INPP5A: variants seen among roughly 807,000 people sequenced by gnomAD.
The protein encoded by INPP5A is 43 kDa inositol polyphosphate 5-phophatase.
Under a neutral mutation model 65.2 loss-of-function variants are expected in INPP5A, and 14 were observed. The observed-to-expected ratio is 0.21, with a 90% confidence interval of 0.14 to 0.34. The LOEUF is 0.34. INPP5A is among the 10% of genes least tolerant of loss of function. INPP5A has a pLI of 1.00. For synonymous variants in INPP5A, 207 were observed against 208.3 expected (o/e 0.99, Z 0.05); for missense variants, 431 against 545.6 (o/e 0.79, Z 2.09).
rs545304321 is a variant in INPP5A at position 132,640,352 on chromosome 10, C to T, written c.118-5516C>T. Among the ~76,000 whole-genome samples, 21 of 152,362 alleles carry T rather than the reference C, an allele frequency of 1.4e-4. 1 individual carries two copies. In the South Asian group the frequency reaches 4.1e-3, roughly 30 times the overall value. On this transcript the variant is annotated intron_variant, in intron 2 of 15. Coordinates refer to ENST00000368594, the MANE Select transcript of INPP5A (RefSeq NM_005539.5). ...AGACTCAAGCGGCTTCATACACAGA[C>T]TTAGGGTTCCCTCTTCCTAGCTCTT...
In INPP5A at chr10:132,675,585, C is replaced by T. The variant is rs562937904; in HGVS notation, c.307-14807C>T. ...AGCGTTCCAGGGGCCTTGCCGTGCC[C>T]GGGAGAGTGAGGGTAACGGACATTC... On this transcript the variant is annotated intron_variant, in intron 4 of 15. Coordinates refer to ENST00000368594, the MANE Select transcript of INPP5A (RefSeq NM_005539.5). The surrounding 1 kb of genome is among the most constrained non-coding windows in gnomAD (Gnocchi z 4.2). Among the ~76,000 whole-genome samples the T allele has an allele frequency of 7.2e-5, 11 of 151,930 alleles. No homozygotes were observed. The highest frequency in any genetic ancestry group is 6.8e-3 in the Middle Eastern group (2 of 294).
At chr10:132,713,045 GGTGTGTGT>G (rs1314868873) in intron 8 of INPP5A, among the ~76,000 whole-genome samples, 9 of 151,404 alleles carry the variant, frequency 5.9e-5, no homozygotes, top group African/African-American at 1.9e-4. Flanking sequence ...CGTGTGTGTG[GGTGTGTGT>G]GCATATGTGG....
chr10:132,770,009 C>T (rs530738234), intron 12 of INPP5A, among the ~76,000 whole-genome samples: 60 of 152,302 alleles, frequency 3.9e-4, no homozygotes, highest in African/African-American at 1.4e-3. Flanking sequence ...GGTGGCCGCT[C>T]CACTGGTGTG....
rs772441624 is a variant in INPP5A at position 132,602,319 on chromosome 10, G to A, written c.76-5596G>A. On this transcript the variant is annotated intron_variant, in intron 1 of 15. Transcript: ENST00000368594. ...TGCTGAATTGCTGAATTTTTGTGACGGAGTCTCGTTCTGTCACCTAGGCTG... is the reference window on the plus strand; with the variant it reads ...TGCTGAATTGCTGAATTTTTGTGACAGAGTCTCGTTCTGTCACCTAGGCTG... Among the ~76,000 whole-genome samples the A allele has an allele frequency of 7.2e-5, 11 of 152,126 alleles. 1 individual carries two copies. In the South Asian group the frequency reaches 8.3e-4, roughly 12 times the overall value.
chr10:132,559,011 G>A (rs1205370286), intron 1 of INPP5A, among the ~76,000 whole-genome samples: 1 of 152,130 alleles, frequency 6.6e-6, no homozygotes, highest in East Asian at 1.9e-4. Flanking sequence ...CGGCCTCCTC[G>A]GGACAGTCCA....
chr10:132,591,434 A>G lies in INPP5A; in HGVS notation c.76-16481A>G, dbSNP rs1423561635. 3.9e-5 allele frequency among the ~76,000 whole-genome samples: 6 copies of G among 152,314 alleles called. No individual in the cohort carries two copies. In the East Asian group the frequency reaches 1.2e-3, roughly 29 times the overall value. ...TCGCTTGGAGAGGACTGACAGCTCT[A>G]TGGCGCCGAGTCATGGTCCCTGGAA... On this transcript the variant is annotated intron_variant, in intron 1 of 15. Coordinates refer to ENST00000368594, the MANE Select transcript of INPP5A (RefSeq NM_005539.5).
intron 7 of INPP5A, 109 bp downstream of exon 7, chr10:132,708,474 T>C (rs779037272): frequency 1.8e-6 from 2 of 1,119,796 alleles, no homozygotes; most frequent in Non-Finnish European, 2.7e-6. Flanking sequence ...TGATTTTGCA[T>C]GAGGACCCCC....
At chr10:132,780,500 G>C (rs200528783) in intron 13 of INPP5A, among the ~76,000 whole-genome samples, 1 of 152,254 alleles carries the variant, frequency 6.6e-6, no homozygotes, top group Non-Finnish European at 1.5e-5. Context: ...AGGGTCCCCT[G>C]CAACTCCCCT....
intron 5 of INPP5A, among the ~76,000 whole-genome samples, chr10:132,696,525 CAG>C (rs1845346549): frequency 6.6e-6 from 1 of 152,186 alleles, no homozygotes; most frequent in Non-Finnish European, 1.5e-5. Context: ...CGAGAAGACA[CAG>C]AGGAGGCTGA....
chr10:132,596,807 TTG>T (rs565644183), intron 1 of INPP5A, among the ~76,000 whole-genome samples: 13 of 134,766 alleles, frequency 9.6e-5, no homozygotes, highest in African/African-American at 1.7e-4. Context: ...ATGTGCGCGT[TTG>T]TGTGTGTCCA....
rs553760358 is a variant in INPP5A, at chr10:132,700,110, G to A, written c.474+2191G>A. ...AGCAGCCTCAGGCCCGGTTTGTATAGAAACCCCAGCCCCCAGCCTGGGTCC... is the reference window on the plus strand; with the variant it reads ...AGCAGCCTCAGGCCCGGTTTGTATAAAAACCCCAGCCCCCAGCCTGGGTCC... On this transcript the variant is annotated intron_variant, in intron 6 of 15. Coordinates refer to ENST00000368594, the MANE Select transcript of INPP5A (RefSeq NM_005539.5). Among the ~76,000 whole-genome samples, 21 of 152,154 alleles carry A rather than the reference G, an allele frequency of 1.4e-4. 1 individual carries two copies. In the South Asian group the frequency reaches 4.2e-3, roughly 30 times the overall value.
chr10:132,723,824 G>T (rs1845937442), intron 8 of INPP5A, among the ~76,000 whole-genome samples: 1 of 152,092 alleles, frequency 6.6e-6, no homozygotes, highest in African/African-American at 2.4e-5. Context: ...GCTCTCCTGG[G>T]GTCTCGGAGC....
chr10:132,552,571 A>G (rs1404145360), intron 1 of INPP5A, among the ~76,000 whole-genome samples: 1 of 132,166 alleles, frequency 7.6e-6, no homozygotes, highest in African/African-American at 3.0e-5. Context: ...ATAGGGAGGG[A>G]GGATTGGTGA....
In INPP5A at chr10:132,736,230, G is replaced by A. The variant is rs1474559188; in HGVS notation, c.732+9325G>A. Among the ~76,000 whole-genome samples the A allele has an allele frequency of 2.6e-5, 4 of 152,224 alleles. No individual in the cohort carries two copies. The South Asian group carries it at 6.2e-4, about 24-fold the overall frequency. ...TCAGAGGGTGTGTTTCCTGCCTCGC[G>A]CGGTGGCAACTGGCAGCTGGGGCGC... On this transcript the variant is annotated intron_variant, in intron 9 of 15. Coordinates refer to ENST00000368594, the MANE Select transcript of INPP5A (RefSeq NM_005539.5).
chr10:132,722,062 T>C (rs925549409), intron 8 of INPP5A, among the ~76,000 whole-genome samples: 1 of 152,194 alleles, frequency 6.6e-6, no homozygotes, highest in African/African-American at 2.4e-5. Context: ...TGTTTATGAT[T>C]ATTAAGAGAA....
rs912873418 is a variant in INPP5A at position 132,551,881 on chromosome 10, C to T, written c.75+13710C>T. Among the ~76,000 whole-genome samples, 1 of 152,232 alleles carries T rather than the reference C, an allele frequency of 6.6e-6. No individual in the cohort carries two copies. The highest frequency in any genetic ancestry group is 2.4e-5 in the African/African-American group (1 of 41,464). On this transcript the variant is annotated intron_variant, in intron 1 of 15. Coordinates refer to ENST00000368594, the MANE Select transcript of INPP5A (RefSeq NM_005539.5). The surrounding 1 kb of genome is among the most constrained non-coding windows in gnomAD (Gnocchi z 5.3). ...AAACTGGGTTCTGCTCGGGGAGTCC[C>T]TGGGGTTTGGAGCTCTGCCTGCCTT...
Position 132,782,078 on chromosome 10 carries a change from C to T in INPP5A, c.*49C>T. 6.5e-7 allele frequency: 1 copy of T among 1,549,572 alleles called. No homozygotes were observed. ...CCACGAGAGGACACTTCGTGAGCCT[C>T]CCTGTAGCCGTGGACCGAATACGCA... On this transcript the variant is annotated 3_prime_UTR_variant, in exon 16 of 16. Coordinates refer to ENST00000368594, the MANE Select transcript of INPP5A (RefSeq NM_005539.5). The surrounding 1 kb of genome is among the most constrained non-coding windows in gnomAD (Gnocchi z 4.4).
intron 8 of INPP5A, among the ~76,000 whole-genome samples, chr10:132,714,349 G>T (rs1845702814): frequency 1.3e-5 from 2 of 152,186 alleles, no homozygotes; most frequent in South Asian, 4.1e-4. Context: ...TTTCACCGCG[G>T]CTGCTAACCT....
chr10:132,650,295 C>T lies in INPP5A; in HGVS notation c.219-123C>T, dbSNP rs559284234. On this transcript the variant is annotated intron_variant, in intron 3 of 15. Transcript: ENST00000368594. The surrounding 1 kb of genome is among the most constrained non-coding windows in gnomAD (Gnocchi z 5.5). ...GCCATTCCCTGCCCTCTGCCTGTCA[C>T]GGGTGGATGGTCTCACGGTGATGTA... The T allele has an allele frequency of 4.8e-5, 33 of 689,026 alleles. No homozygotes were observed. Among genetic ancestry groups the T allele is most frequent in the East Asian group, 2.9e-4 (11 of 37,484 alleles). The allele number at this position is 689,026 out of a possible 1,614,324, so 42.7% of individuals were successfully genotyped here. A position where few individuals can be genotyped will look rare whatever the true frequency, so the allele number is the denominator to read the frequency against.
Sources: gnomAD v4.1 joint callset for allele counts (sites outside exome capture counted in the v4.1 genomes callset) on GRCh38, gnomAD v4.1.1 for gene constraint, Gnocchi (gnomAD v3.1) non-coding constraint, MANE v1.5 for transcripts, NCBI Gene and HGNC (gene_info 2026-07-23, HGNC 2026-07-21) for gene names.